PACS2: variants seen among roughly 807,000 people sequenced by gnomAD.
PACS2 encodes phosphofurin acidic cluster sorting protein 2.
In PACS2, 36 loss-of-function variants were observed where a neutral mutation model predicts 113.0. The observed-to-expected ratio is 0.32, with a 90% CI of 0.24 to 0.42. The LOEUF (loss-of-function observed/expected upper bound fraction) is 0.42, where lower values mean the gene tolerates loss of function less well. Among genes scored for constraint, PACS2 ranks in the 10% least tolerant of loss-of-function variants. The pLI is 1.00. For synonymous variants in PACS2, 589 were observed against 536.1 expected, an observed-to-expected ratio of 1.10 and a Z score of -1.36; for missense variants, 1,015 against 1,239.5, an observed-to-expected ratio of 0.82 and a Z score of 2.72.
chr14:105,305,946 G>C (rs141402842), intron 1 of PACS2, among the ~76,000 whole-genome samples: 1 of 152,264 alleles, frequency 6.6e-6, no homozygotes, highest in Non-Finnish European at 1.5e-5. Flanking sequence ...AGTGATCTCC[G>C]CTCTGGCTGT....
At chr14:105,313,214 G>A (rs116735128), upstream of PACS2, among the ~76,000 whole-genome samples, 2,068 of 152,316 alleles carry the variant, frequency 0.014, 50 homozygotes, top group African/African-American at 0.047. Context: ...GCAACTGCAC[G>A]CTCGCCAGGT....
At position 105,321,656 on chromosome 14, in the gene PACS2, G is replaced by A. The variant is rs913649910; in HGVS notation, c.119+6619G>A. On this transcript the variant is annotated intron_variant, in intron 1 of 24. Transcript: ENST00000447393. ...GGGATTATAGGCATGAACCACTAACGCCCCGTCACTTAATATATTTTTGAG... is the reference window on the plus strand; with the variant it reads ...GGGATTATAGGCATGAACCACTAACACCCCGTCACTTAATATATTTTTGAG... 4.0e-5 allele frequency among the ~76,000 whole-genome samples: 6 copies of A among 151,374 alleles called. No homozygotes were observed. The Middle Eastern group carries it at 0.014, about 346-fold the overall frequency.
intron 4 of PACS2, among the ~76,000 whole-genome samples, chr14:105,359,175 G>A (rs1183917908): frequency 6.6e-6 from 1 of 152,100 alleles, no homozygotes; most frequent in African/African-American, 2.4e-5. Flanking sequence ...GACCTCCCAG[G>A]CCTTCGCATT....
Position 105,356,999 on chromosome 14 carries a change from G to C in PACS2, c.423+1822G>C, listed in dbSNP as rs2060477894. On this transcript the variant is annotated intron_variant, in intron 4 of 24. Coordinates refer to ENST00000447393, the MANE Select transcript of PACS2 (RefSeq NM_001100913.3). The surrounding 1 kb of genome is among the most constrained non-coding windows in gnomAD (Gnocchi z 4.0). ...TGCAGGCGATGTCCTGCTGATCCCT[G>C]CTGGTCCCTGTGTAGCCATGCAGGT... is the stretch of plus-strand genomic sequence containing the variant. 6.7e-6 allele frequency among the ~76,000 whole-genome samples: 1 copy of C among 149,954 alleles called. No individual in the cohort carries two copies. Among genetic ancestry groups the C allele is most frequent in the South Asian group, 2.1e-4 (1 of 4,716 alleles).
chr14:105,368,995 C>CA (rs782678519), intron 7 of PACS2, among the ~76,000 whole-genome samples: 24 of 152,362 alleles, frequency 1.6e-4, no homozygotes, highest in Middle Eastern at 3.4e-3. Context: ...GCTCTTTCCT[C>CA]AGAGGCCGTG....
At chr14:105,344,204 A>G (rs1216578389) in intron 1 of PACS2, among the ~76,000 whole-genome samples, 1 of 150,726 alleles carries the variant, frequency 6.6e-6, no homozygotes. Flanking sequence ...GGCATGAGCC[A>G]CCCTTCCCTG....
In PACS2 at chr14:105,309,003, AAACAAAACCT is replaced by A. The variant is rs587602437; in HGVS notation, c.-83+8034_-83+8043del. On this transcript the variant is annotated intron_variant, in intron 1 of 23. Transcript: ENST00000430725. The surrounding 1 kb of genome is among the most constrained non-coding windows in gnomAD (Gnocchi z 4.0). ...ACAAAAGAAAAAAAAAGAAAAAGAC[AAACAAAACCT>A]AACAAAACCAGAAATCCATCCTGCA... is the stretch of plus-strand genomic sequence containing the variant. Among the ~76,000 whole-genome samples the A allele has an allele frequency of 5.8e-4, 88 of 152,180 alleles. No individual in the cohort carries two copies. Among genetic ancestry groups the A allele is most frequent in the African/African-American group, 1.5e-3 (63 of 41,532 alleles).
At chr14:105,389,665 G>A in intron 19 of PACS2, 1 of 459,560 alleles carries the variant, frequency 2.2e-6, no homozygotes, top group Non-Finnish European at 4.0e-6. Flanking sequence ...ATCCCTCCGT[G>A]GAGCTGTGCC....
chr14:105,309,875 T>C (rs1168506247), upstream of PACS2, among the ~76,000 whole-genome samples: 1 of 138,926 alleles, frequency 7.2e-6, no homozygotes, highest in African/African-American at 2.7e-5. The surrounding 1 kb of genome is among the most constrained non-coding windows in gnomAD (Gnocchi z 4.0). Flanking sequence ...AAGCTCCGCC[T>C]CCTGGATTCA....
chr14:105,380,201 C>T (rs1566959536), intron 11 of PACS2, 47 bp downstream of exon 11: 2 of 1,461,610 alleles, frequency 1.4e-6, no homozygotes, highest in Middle Eastern at 1.7e-4. Flanking sequence ...ATCAGGCACA[C>T]CAATGCTGCC....
At position 105,379,838 on chromosome 14, in the gene PACS2, G is replaced by T; in HGVS notation, c.1050+9G>T. On this transcript the variant is annotated intron_variant, in intron 10 of 24. Transcript: ENST00000447393. The stretch of plus-strand genomic sequence containing the variant: ...AGGAGCCCCCAAGCCCGGTGAGTGG[G>T]GCCACACTGATCTCCCAGAGCAGAC... The T allele has an allele frequency of 3.7e-6, 6 of 1,610,928 alleles. No homozygotes were observed. Among genetic ancestry groups the T allele is most frequent in the South Asian group, 1.1e-5 (1 of 91,048 alleles).
chr14:105,318,921 A>G (rs2058774948), intron 1 of PACS2, among the ~76,000 whole-genome samples: 1 of 149,638 alleles, frequency 6.7e-6, no homozygotes, highest in Non-Finnish European at 1.5e-5. Context: ...CAGCCTCCCA[A>G]AGTGTTGGGA....
At chr14:105,374,678 G>C (rs2061280677) in intron 8 of PACS2, 1 of 152,204 alleles carries the variant, frequency 6.6e-6, no homozygotes, top group Non-Finnish European at 1.5e-5. Flanking sequence ...CCTTGAATTA[G>C]AATTACCCTG....
chr14:105,314,273 A>T (rs1245150866), upstream of PACS2: 3 of 109,840 alleles, frequency 2.7e-5, no homozygotes, highest in South Asian at 6.7e-4. Flanking sequence ...CGGCGAGGGC[A>T]GGGGGGCGGG....
chr14:105,316,992 A>T (rs950430373), intron 1 of PACS2, among the ~76,000 whole-genome samples: 4 of 152,152 alleles, frequency 2.6e-5, no homozygotes, highest in Non-Finnish European at 1.5e-5. Flanking sequence ...CTGTCCTGGA[A>T]CAGGGCCCCT....
At chr14:105,308,359 G>A (rs2058250545) in intron 1 of PACS2, among the ~76,000 whole-genome samples, 1 of 152,032 alleles carries the variant, frequency 6.6e-6, no homozygotes, top group African/African-American at 2.4e-5. Flanking sequence ...GTACATGCCT[G>A]TGGTCCCAGC....
rs936093769 is a variant in PACS2, at chr14:105,323,483, G to A, written c.119+8446G>A. Among the ~76,000 whole-genome samples the A allele has an allele frequency of 3.3e-5, 5 of 152,212 alleles. No homozygotes were observed. Among genetic ancestry groups the A allele is most frequent in the Non-Finnish European group, 4.4e-5 (3 of 68,038 alleles). On this transcript the variant is annotated intron_variant, in intron 1 of 24. Transcript: ENST00000447393. This position sits in a 1 kb window ranked among gnomAD's most constrained non-coding sequence, Gnocchi z 4.1. Reference sequence around the variant, plus strand: ...CGGCGGGACCCTGTCTGCCTTGCTCGGTGCTGCCCAGAGCCTGCACAGTGT... The same window carrying A: ...CGGCGGGACCCTGTCTGCCTTGCTCAGTGCTGCCCAGAGCCTGCACAGTGT...
At chr14:105,394,391 G>A (rs2081475366) in intron 24 of PACS2, 163 bp from the exon 25 acceptor site, 2 of 985,306 alleles carry the variant, frequency 2.0e-6, no homozygotes, top group Non-Finnish European at 2.4e-6. Flanking sequence ...GCATGGCCCT[G>A]GAGCCCCCGA....
chr14:105,318,057 T>C (rs1335175077), intron 1 of PACS2, among the ~76,000 whole-genome samples: 1 of 152,224 alleles, frequency 6.6e-6, no homozygotes, highest in Non-Finnish European at 1.5e-5. Flanking sequence ...CCCCACCTGC[T>C]CTTCAGCAAG....
Sources: gnomAD v4.1 joint callset for allele counts (sites outside exome capture counted in the v4.1 genomes callset) on GRCh38, gnomAD v4.1.1 for gene constraint, Gnocchi (gnomAD v3.1) non-coding constraint, MANE v1.5 for transcripts, NCBI Gene and HGNC (gene_info 2026-07-23, HGNC 2026-07-21) for gene names.